DLG2: variants seen among roughly 807,000 people sequenced by gnomAD.
DLG2 encodes the protein discs large MAGUK scaffold protein 2.
Under a neutral mutation model 132.5 loss-of-function variants are expected in DLG2, and 45 were observed. The observed-to-expected ratio is 0.34, with a 90% CI of 0.27 to 0.44. DLG2 has a LOEUF of 0.44. Among genes scored for constraint, DLG2 ranks in the 20% least tolerant of loss-of-function variants. DLG2 has a pLI of 1.00. For synonymous variants in DLG2, 424 were observed against 419.6 expected (o/e 1.01, Z -0.13); for missense variants, 1,045 against 1,196.9 (o/e 0.87, Z 1.87).
At chr11:84,697,882 A>G (rs1303445167) in intron 6 of DLG2, among the ~76,000 whole-genome samples, 1 of 151,478 alleles carries the variant, frequency 6.6e-6, no homozygotes, top group Non-Finnish European at 1.5e-5. Context: ...GCACCATTGA[A>G]AAGCACAAGG....
intron 11 of DLG2, among the ~76,000 whole-genome samples, chr11:84,011,099 G>T (rs914911022): frequency 6.6e-6 from 1 of 151,972 alleles, no homozygotes; most frequent in East Asian, 1.9e-4. Context: ...AATAAAACAG[G>T]TTGAGTGAAC....
rs544964448 is a variant in DLG2, at chr11:84,238,102, A to C, written c.573+13136T>G. On this transcript the variant is annotated intron_variant, in intron 8 of 27. Transcript: ENST00000376104. The stretch of plus-strand genomic sequence containing the variant: ...AAGAAAAAGAAAGACACTAGAGGGA[A>C]GTCAGTCACTGAAACAAGGTAGCTG... Among the ~76,000 whole-genome samples, 23 of 151,856 alleles carry C rather than the reference A, an allele frequency of 1.5e-4. 1 individual carries two copies. In the East Asian group the frequency reaches 3.7e-3, roughly 24 times the overall value.
At chr11:85,031,563 C>T (rs2061002772) in intron 6 of DLG2, among the ~76,000 whole-genome samples, 1 of 151,992 alleles carries the variant, frequency 6.6e-6, no homozygotes, top group African/African-American at 2.4e-5. Flanking sequence ...GTAGGAATCC[C>T]ACCACATATC....
At chr11:85,220,347 T>C (rs911050231) in intron 4 of DLG2, among the ~76,000 whole-genome samples, 2 of 151,584 alleles carry the variant, frequency 1.3e-5, no homozygotes, top group Admixed American at 6.6e-5. Context: ...CTTGTGGATA[T>C]TTGGGAGAAT....
chr11:83,618,147 T>G (rs2061112321), intron 19 of DLG2, among the ~76,000 whole-genome samples: 1 of 152,238 alleles, frequency 6.6e-6, no homozygotes, highest in African/African-American at 2.4e-5. Flanking sequence ...TATCTTTTAT[T>G]CTGTTAATGT....
chr11:84,258,266 GAGGAAGAACAAAAT>G (rs1458886854), intron 7 of DLG2, among the ~76,000 whole-genome samples: 1 of 152,164 alleles, frequency 6.6e-6, no homozygotes, highest in Non-Finnish European at 1.5e-5. Flanking sequence ...TTGTGTAAGA[GAGGAAGAACAAAAT>G]AGGAAGAACA....
At chr11:84,785,263 A>G (rs1565955881) in intron 6 of DLG2, among the ~76,000 whole-genome samples, 1 of 152,076 alleles carries the variant, frequency 6.6e-6, no homozygotes, top group Non-Finnish European at 1.5e-5. Context: ...ATAAAAAAAA[A>G]TTCTCCTGTA....
At chr11:84,125,081 C>G (rs940527633) in intron 9 of DLG2, among the ~76,000 whole-genome samples, 1 of 152,032 alleles carries the variant, frequency 6.6e-6, no homozygotes, top group Non-Finnish European at 1.5e-5. Context: ...AACTCACGAC[C>G]TCAGGTGATA....
intron 6 of DLG2, among the ~76,000 whole-genome samples, chr11:84,625,816 C>T (rs1414837165): frequency 1.3e-5 from 2 of 152,156 alleles, no homozygotes. Context: ...GAAAGAAAAT[C>T]ATGTTATTTG....
At chr11:85,567,296 C>A (rs767543621) in intron 3 of DLG2, among the ~76,000 whole-genome samples, 2 of 152,118 alleles carry the variant, frequency 1.3e-5, no homozygotes, top group African/African-American at 2.4e-5. Context: ...GTCTTCCAAC[C>A]CATGAACATA....
At chr11:85,246,164 T>C (rs1051378377) in intron 4 of DLG2, among the ~76,000 whole-genome samples, 1 of 151,990 alleles carries the variant, frequency 6.6e-6, no homozygotes, top group African/African-American at 2.4e-5. Flanking sequence ...TTGATTTTGC[T>C]CATGGTTGTA....
intron 3 of DLG2, among the ~76,000 whole-genome samples, chr11:85,368,288 G>T (rs1169475905): frequency 6.6e-6 from 1 of 152,212 alleles, no homozygotes; most frequent in East Asian, 1.9e-4. Flanking sequence ...ACGTGAGGTT[G>T]CATTCTTCAG....
intron 18 of DLG2, among the ~76,000 whole-genome samples, chr11:83,749,282 G>C (rs1026824529): frequency 6.6e-6 from 1 of 152,122 alleles, no homozygotes; most frequent in African/African-American, 2.4e-5. Context: ...GTCTCCTTCA[G>C]AAATAATTTT....
chr11:84,122,785 A>C (rs1180028056), intron 9 of DLG2, among the ~76,000 whole-genome samples: 1 of 152,132 alleles, frequency 6.6e-6, no homozygotes, highest in African/African-American at 2.4e-5. Context: ...GGTTTTTTAT[A>C]ATCTCGTGGT....
chr11:85,592,323 GT>G (rs1331843617), intron 3 of DLG2, among the ~76,000 whole-genome samples: 1 of 152,120 alleles, frequency 6.6e-6, no homozygotes, highest in African/African-American at 2.4e-5. Flanking sequence ...AAACAAATAA[GT>G]AGAAACATAA....
chr11:85,021,437 T>C, intron 6 of DLG2: 2 of 1,398,466 alleles, frequency 1.4e-6, no homozygotes, highest in Admixed American at 1.7e-5. Flanking sequence ...GCAATCATTC[T>C]GCCATCCTCT....
chr11:84,715,002 G>A (rs746418158), intron 6 of DLG2, among the ~76,000 whole-genome samples: 15 of 151,806 alleles, frequency 9.9e-5, no homozygotes, highest in Admixed American at 9.2e-4. Flanking sequence ...TAGAAGAAAG[G>A]TAGGTTGCTT....
intron 18 of DLG2, among the ~76,000 whole-genome samples, chr11:83,638,114 T>C: frequency 6.6e-6 from 1 of 152,156 alleles, no homozygotes; most frequent in East Asian, 1.9e-4. Flanking sequence ...GCAAACGTTT[T>C]AGAGGAGCTT....
intron 6 of DLG2, among the ~76,000 whole-genome samples, chr11:84,703,672 T>C (rs1003888210): frequency 6.6e-6 from 1 of 151,130 alleles, no homozygotes; most frequent in Non-Finnish European, 1.5e-5. Flanking sequence ...TTTTGGTAGG[T>C]AAATTTGATA....
Sources: allele counts gnomAD v4.1 joint callset (sites outside exome capture counted in the v4.1 genomes callset), GRCh38; gene constraint gnomAD v4.1.1; transcripts MANE v1.5; gene names NCBI Gene and HGNC (gene_info 2026-07-23, HGNC 2026-07-21).